ROBO2: variants seen among roughly 807,000 people sequenced by gnomAD.
ROBO2 encodes the protein roundabout homolog 2.
ROBO2 carries 53 observed loss-of-function variants against 160.8 expected under a neutral mutation model. The observed-to-expected ratio is 0.33, with a 90% CI of 0.26 to 0.41. ROBO2 has a LOEUF of 0.41. ROBO2 is among the 10% of genes least tolerant of loss of function. ROBO2 has a pLI of 1.00. For missense variants in ROBO2, 1,577 were observed against 1,722.4 expected (o/e 0.92, Z 1.49); for synonymous variants, 664 against 611.7 (o/e 1.09, Z -1.26).
At chr3:76,489,650 T>G (rs1374510600) in intron 2 of ROBO2, among the ~76,000 whole-genome samples, 2 of 152,136 alleles carry the variant, frequency 1.3e-5, no homozygotes, top group African/African-American at 4.8e-5. Context: ...AGTTCAAAAT[T>G]TTATTTGAGT....
At chr3:76,783,039 A>G (rs2062750596) in intron 2 of ROBO2, among the ~76,000 whole-genome samples, 1 of 150,500 alleles carries the variant, frequency 6.6e-6, no homozygotes, top group South Asian at 2.1e-4. Flanking sequence ...TCTTTTATGT[A>G]TCTAACATAT....
intron 2 of ROBO2, among the ~76,000 whole-genome samples, chr3:76,819,992 G>C (rs969349663): frequency 6.6e-6 from 1 of 152,020 alleles, no homozygotes; most frequent in Non-Finnish European, 1.5e-5. Flanking sequence ...TCTAATCAAA[G>C]ACATAATTCA....
chr3:77,499,385 C>G (rs2087223413), intron 5 of ROBO2, among the ~76,000 whole-genome samples: 1 of 152,050 alleles, frequency 6.6e-6, no homozygotes, highest in African/African-American at 2.4e-5. Context: ...GCCATCCATT[C>G]TAACTCAAAG....
chr3:77,462,084 A>T (rs1046742450), intron 2 of ROBO2, among the ~76,000 whole-genome samples: 2 of 152,196 alleles, frequency 1.3e-5, no homozygotes, highest in African/African-American at 2.4e-5. Context: ...AGAGAGAAAA[A>T]TAACTTTTTA....
chr3:76,194,539 A>G (rs1702169582), intron 2 of ROBO2, among the ~76,000 whole-genome samples: 1 of 151,612 alleles, frequency 6.6e-6, no homozygotes. Context: ...TTTAAGTTTT[A>G]TGTAATAAAC....
intron 2 of ROBO2, among the ~76,000 whole-genome samples, chr3:77,269,286 A>G (rs1362680275): frequency 6.6e-6 from 1 of 152,214 alleles, no homozygotes; most frequent in African/African-American, 2.4e-5. Flanking sequence ...ATATTCAAAT[A>G]TACAGAAAAG....
intron 2 of ROBO2, among the ~76,000 whole-genome samples, chr3:77,344,437 GGCAGAGCCCTCAT>G (rs2067404907): frequency 6.6e-6 from 1 of 152,050 alleles, no homozygotes; most frequent in Non-Finnish European, 1.5e-5. Flanking sequence ...AGGCCATGAG[GGCAGAGCCCTCAT>G]GAATGGGATT....
intron 2 of ROBO2, among the ~76,000 whole-genome samples, chr3:77,358,639 C>T (rs1263100155): frequency 2.0e-5 from 3 of 152,134 alleles, no homozygotes; most frequent in African/African-American, 7.2e-5. Flanking sequence ...TATATATCCA[C>T]GTGCATCTAC....
chr3:77,039,042 G>A (rs534522155), upstream of ROBO2, among the ~76,000 whole-genome samples: 25 of 152,242 alleles, frequency 1.6e-4, 1 homozygote, highest in South Asian at 5.0e-3. Context: ...GCGCGATCGC[G>A]CATCAAACTC....
chr3:76,575,993 T>C lies in ROBO2; in HGVS notation c.110-522021T>C, dbSNP rs377511690. Among the ~76,000 whole-genome samples, 19 of 152,152 alleles carry C rather than the reference T, an allele frequency of 1.2e-4. No homozygotes were observed. In the East Asian group the frequency reaches 1.5e-3, roughly 12 times the overall value. ...CAATACATTAAAATAAATTTTAAAA[T>C]TGGAAGAATTTCAGTATAAAGTGGA... On this transcript the variant is annotated intron_variant, in intron 2 of 26. Transcript: ENST00000487694.
intron 2 of ROBO2, among the ~76,000 whole-genome samples, chr3:77,391,127 T>G (rs2153500750): frequency 6.6e-6 from 1 of 152,172 alleles, no homozygotes; most frequent in East Asian, 1.9e-4. Context: ...TGGAGGAGAA[T>G]ATTTTATTAT....
chr3:76,703,928 A>G (rs953304423), intron 2 of ROBO2, among the ~76,000 whole-genome samples: 1 of 152,030 alleles, frequency 6.6e-6, no homozygotes, highest in Admixed American at 6.6e-5. Flanking sequence ...AAATGTTGAG[A>G]ATTAAAATGT....
intron 2 of ROBO2, among the ~76,000 whole-genome samples, chr3:76,667,819 TAA>T (rs2092111102): frequency 6.6e-6 from 1 of 151,952 alleles, no homozygotes; most frequent in Non-Finnish European, 1.5e-5. Context: ...CAATATTTCA[TAA>T]GATTACATAA....
intron 2 of ROBO2, among the ~76,000 whole-genome samples, chr3:76,330,045 A>G (rs1170810555): frequency 6.6e-6 from 1 of 152,230 alleles, no homozygotes; most frequent in East Asian, 1.9e-4. Flanking sequence ...ATTTTACTGT[A>G]TCTATGTGGG....
At chr3:76,650,336 G>A (rs962434900) in intron 2 of ROBO2, among the ~76,000 whole-genome samples, 4 of 152,054 alleles carry the variant, frequency 2.6e-5, no homozygotes, top group East Asian at 1.9e-4. Flanking sequence ...GCGTGCCTTC[G>A]TTCTTTCCCT....
chr3:76,372,654 A>T (rs1408905856), intron 2 of ROBO2, among the ~76,000 whole-genome samples: 4 of 151,890 alleles, frequency 2.6e-5, no homozygotes, highest in African/African-American at 9.7e-5. Flanking sequence ...GTGAGTCAGA[A>T]TCCTGTATTT....
intron 2 of ROBO2, among the ~76,000 whole-genome samples, chr3:76,267,883 C>T (rs1468838735): frequency 2.0e-5 from 3 of 152,140 alleles, no homozygotes; most frequent in African/African-American, 7.2e-5. Context: ...TACCTCACAT[C>T]CACATTACTA....
At chr3:76,012,440 A>G (rs954271061) in intron 2 of ROBO2, among the ~76,000 whole-genome samples, 15 of 152,230 alleles carry the variant, frequency 9.9e-5, no homozygotes, top group Non-Finnish European at 1.3e-4. Flanking sequence ...ATTTGATGAG[A>G]TAAAATATAC....
chr3:75,946,520 T>A (rs1419496154), intron 2 of ROBO2, among the ~76,000 whole-genome samples: 1 of 152,056 alleles, frequency 6.6e-6, no homozygotes, highest in Non-Finnish European at 1.5e-5. Flanking sequence ...TTACATGTGG[T>A]AACATGGTTG....
Sources: gnomAD v4.1 joint callset for allele counts (sites outside exome capture counted in the v4.1 genomes callset) on GRCh38, gnomAD v4.1.1 for gene constraint, MANE v1.5 for transcripts, NCBI Gene and HGNC (gene_info 2026-07-23, HGNC 2026-07-21) for gene names.